Variants in RUNX1 observed in about 807,000 individuals in gnomAD.
RUNX1 encodes the protein runt-related transcription factor 1.
Under a neutral mutation model 42.8 loss-of-function variants are expected in RUNX1, and 19 were observed. That is an observed-to-expected ratio of 0.44 (90% CI 0.31 to 0.65). RUNX1 has a LOEUF of 0.65. Among genes scored for constraint, RUNX1 ranks in the 30% least tolerant of loss-of-function variants. RUNX1 has a pLI of 0.07. For missense variants in RUNX1, 528 were observed against 672.0 expected (o/e 0.79, Z 2.37); for synonymous variants, 271 against 289.4 (o/e 0.94, Z 0.64).
chr21:34,903,620 C>G (rs2058194672), intron 2 of RUNX1, among the ~76,000 whole-genome samples: 1 of 152,166 alleles, frequency 6.6e-6, no homozygotes, highest in African/African-American at 2.4e-5. Context: ...AGGTCTTGAT[C>G]TGTGAAGGAA....
At chr21:34,948,713 C>CTA (rs2058583967) in intron 2 of RUNX1, among the ~76,000 whole-genome samples, 1 of 152,128 alleles carries the variant, frequency 6.6e-6, no homozygotes, top group African/African-American at 2.4e-5. Context: ...TCCAGGGTGC[C>CTA]TAAACAAGGG....
At chr21:34,968,806 T>C (rs994319370) in intron 2 of RUNX1, among the ~76,000 whole-genome samples, 12 of 152,146 alleles carry the variant, frequency 7.9e-5, no homozygotes, top group African/African-American at 2.9e-4. Context: ...TTTGAAAGAA[T>C]GATGCTAACA....
chr21:34,901,379 G>T lies in RUNX1; in HGVS notation c.59-8416C>A, dbSNP rs975066676. ...AAAAAAAGTAGCTGGGCGTGGTGGC[G>T]GCGCGTGCCTGTAGTCCCAGCTACT... On this transcript the variant is annotated intron_variant, in intron 2 of 8. Transcript: ENST00000675419. This position sits in a 1 kb window ranked among gnomAD's most constrained non-coding sequence, Gnocchi z 4.3. Among the ~76,000 whole-genome samples the T allele has an allele frequency of 6.6e-6, 1 of 152,092 alleles. No individual in the cohort carries two copies. Among genetic ancestry groups the T allele is most frequent in the Non-Finnish European group, 1.5e-5 (1 of 68,022 alleles).
chr21:34,792,181 A>C lies in RUNX1; in HGVS notation c.1397T>G (p.Met466Arg), dbSNP rs1329096939. Residue 466 changes from methionine to arginine, a missense_variant, in exon 9 of 9, where the codon ATG becomes AGG. Coordinates refer to ENST00000675419, the MANE Select transcript of RUNX1 (RefSeq NM_001754.5). The surrounding 1 kb of genome is among the most constrained non-coding windows in gnomAD (Gnocchi z 6.9). ...EGSHSNSPTNMAPSARLEEAV... is the reference protein window; with the variant it reads ...EGSHSNSPTNRAPSARLEEAV... The stretch of plus-strand genomic sequence containing the variant: ...CTCCTCCAGGCGCGCGGAGGGCGCC[A>C]TGTTGGTGGGGGAGTTGCTGTGGCT... 1 of 1,532,776 alleles carries C rather than the reference A, an allele frequency of 6.5e-7. No individual in the cohort carries two copies. The highest frequency in any genetic ancestry group is 1.9e-5 in the Admixed American group (1 of 51,320). The allele number at this position is 1,532,776 out of a possible 1,614,324, so 94.9% of individuals were successfully genotyped here. A position where few individuals can be genotyped will look rare whatever the true frequency, so the allele number is the denominator to read the frequency against.
chr21:34,899,008 G>A (rs1036761092), intron 2 of RUNX1, among the ~76,000 whole-genome samples: 1 of 152,144 alleles, frequency 6.6e-6, no homozygotes, highest in African/African-American at 2.4e-5. Flanking sequence ...CCACCTCCTG[G>A]GTTCAAGTGA....
intron 2 of RUNX1, among the ~76,000 whole-genome samples, chr21:35,032,128 C>T (rs1409964916): frequency 6.6e-6 from 1 of 152,192 alleles, no homozygotes; most frequent in African/African-American, 2.4e-5. Flanking sequence ...ACACATGCCA[C>T]AAGCCTTGAA....
intron 5 of RUNX1, among the ~76,000 whole-genome samples, chr21:34,878,169 C>CA (rs67348360): frequency 0.033 from 3,697 of 111,530 alleles, 56 homozygotes; most frequent in South Asian, 0.046. Context: ...AAGCAAATTG[C>CA]AAAAAAAAAA....
chr21:34,912,811 T>C (rs2058282647), intron 2 of RUNX1, among the ~76,000 whole-genome samples: 1 of 152,252 alleles, frequency 6.6e-6, no homozygotes, highest in Non-Finnish European at 1.5e-5. Context: ...TGAGTAGTGA[T>C]TGGATCTGAG....
intron 2 of RUNX1, among the ~76,000 whole-genome samples, chr21:34,964,159 T>C (rs1485752888): frequency 1.3e-5 from 2 of 151,958 alleles, no homozygotes; most frequent in Non-Finnish European, 2.9e-5. Flanking sequence ...CTGGAACAAG[T>C]GATGCCAACA....
At chr21:34,969,833 G>A (rs1444298836) in intron 2 of RUNX1, among the ~76,000 whole-genome samples, 2 of 151,914 alleles carry the variant, frequency 1.3e-5, no homozygotes, top group African/African-American at 2.4e-5. Flanking sequence ...AGTGGAATGA[G>A]AACTGAAAGA....
At chr21:34,982,013 C>T (rs1601633173) in intron 2 of RUNX1, among the ~76,000 whole-genome samples, 1 of 152,158 alleles carries the variant, frequency 6.6e-6, no homozygotes, top group Non-Finnish European at 1.5e-5. Context: ...GACAGAAGTG[C>T]TCAATGCCAG....
At chr21:34,950,743 T>C (rs2058600976) in intron 2 of RUNX1, among the ~76,000 whole-genome samples, 1 of 151,990 alleles carries the variant, frequency 6.6e-6, no homozygotes, top group Admixed American at 6.5e-5. Flanking sequence ...CAGAAAAAAA[T>C]TGCACACATA....
At chr21:34,853,223 G>A (rs1284133651) in intron 6 of RUNX1, among the ~76,000 whole-genome samples, 1 of 152,148 alleles carries the variant, frequency 6.6e-6, no homozygotes, top group African/African-American at 2.4e-5. Flanking sequence ...TGACCAGCAT[G>A]GCCATGGCTG....
chr21:34,846,716 C>T (rs140841028), intron 6 of RUNX1, among the ~76,000 whole-genome samples: 2 of 152,278 alleles, frequency 1.3e-5, no homozygotes, highest in South Asian at 2.1e-4. Context: ...GAGCAGCTCC[C>T]GAGAACAGAC....
At chr21:34,798,426 ATACT>A (rs1354670146) in intron 8 of RUNX1, among the ~76,000 whole-genome samples, 2 of 152,228 alleles carry the variant, frequency 1.3e-5, no homozygotes, top group East Asian at 3.8e-4. Context: ...TAAATGACTA[ATACT>A]TAATGAGCTC....
At chr21:34,814,147 G>A (rs1177791170) in intron 7 of RUNX1, among the ~76,000 whole-genome samples, 1 of 152,162 alleles carries the variant, frequency 6.6e-6, no homozygotes, top group Non-Finnish European at 1.5e-5. Context: ...TTGGTGAGAT[G>A]GACTGGGAAG....
chr21:34,973,978 G>A (rs1226062040), intron 2 of RUNX1, among the ~76,000 whole-genome samples: 1 of 152,102 alleles, frequency 6.6e-6, no homozygotes, highest in African/African-American at 2.4e-5. Flanking sequence ...TATTTCTGAT[G>A]AATCGGAATT....
chr21:34,844,757 T>C (rs1325211711), intron 6 of RUNX1, among the ~76,000 whole-genome samples: 2 of 152,194 alleles, frequency 1.3e-5, no homozygotes, highest in East Asian at 1.9e-4. Flanking sequence ...CCTCGGGGAC[T>C]TTCCCAACAG....
intron 2 of RUNX1, among the ~76,000 whole-genome samples, chr21:35,001,311 TATA>T (rs2059041456): frequency 2.1e-4 from 2 of 9,472 alleles, no homozygotes; most frequent in African/African-American, 1.2e-3. Context: ...TATGGTTTTA[TATA>T]TATATATATA....
Sources: gnomAD v4.1 joint callset for allele counts (sites outside exome capture counted in the v4.1 genomes callset) on GRCh38, gnomAD v4.1.1 for gene constraint, Gnocchi (gnomAD v3.1) non-coding constraint, MANE v1.5 for transcripts, NCBI Gene and HGNC (gene_info 2026-07-23, HGNC 2026-07-21) for gene names.